ADAMTSL1: variants seen among roughly 807,000 people sequenced by gnomAD.
ADAMTSL1 encodes ADAMTS-like protein 1.
ADAMTSL1 carries 126 observed loss-of-function variants against 201.8 expected under a neutral mutation model. That is an observed-to-expected ratio of 0.62 (90% CI 0.54 to 0.72). ADAMTSL1 has a LOEUF of 0.72. ADAMTSL1 is among the 30% of genes least tolerant of loss of function. The pLI is 0.00. For synonymous variants in ADAMTSL1, 1,121 were observed against 903.4 expected, an observed-to-expected ratio of 1.24 and a Z score of -4.32; for missense variants, 2,679 against 2,277.8, an observed-to-expected ratio of 1.18 and a Z score of -3.59.
intron 4 of ADAMTSL1, among the ~76,000 whole-genome samples, chr9:18,602,850 T>C (rs1403374166): frequency 6.6e-6 from 1 of 152,194 alleles, no homozygotes; most frequent in Non-Finnish European, 1.5e-5. Context: ...CAATGAGAAC[T>C]GGCAACACTG....
chr9:18,529,440 C>A (rs1395540473), intron 2 of ADAMTSL1, among the ~76,000 whole-genome samples: 2 of 152,106 alleles, frequency 1.3e-5, no homozygotes, highest in Non-Finnish European at 2.9e-5. Flanking sequence ...GTTAGTCACG[C>A]CTAGATTCCA....
At chr9:18,239,141 C>G (rs1322312143) in intron 2 of ADAMTSL1, among the ~76,000 whole-genome samples, 1 of 152,102 alleles carries the variant, frequency 6.6e-6, no homozygotes. Flanking sequence ...AGGGTCTTGC[C>G]TTGATGTTTA....
intron 2 of ADAMTSL1, among the ~76,000 whole-genome samples, chr9:18,325,273 C>G (rs1431926623): frequency 6.6e-6 from 1 of 152,182 alleles, no homozygotes; most frequent in Non-Finnish European, 1.5e-5. Context: ...ATAACATCCA[C>G]AAAAAGACAT....
At chr9:18,032,872 T>C (rs1249891344) in intron 1 of ADAMTSL1, among the ~76,000 whole-genome samples, 1 of 141,968 alleles carries the variant, frequency 7.0e-6, no homozygotes, top group African/African-American at 2.6e-5. Flanking sequence ...CAACCTGTCC[T>C]GGTGCTCAGT....
intron 13 of ADAMTSL1, among the ~76,000 whole-genome samples, chr9:18,704,239 G>C (rs1832101837): frequency 6.6e-6 from 1 of 152,134 alleles, no homozygotes. Context: ...TGGCAGAGTT[G>C]AGTAGCTGCA....
In ADAMTSL1 at chr9:18,680,349, T is replaced by TG; in HGVS notation, c.1175dup (p.Cys392TrpfsTer34). On this transcript the variant is annotated frameshift_variant, in exon 11 of 29. Coordinates refer to ENST00000380548, the MANE Select transcript of ADAMTSL1 (RefSeq NM_001040272.6). LOFTEE classifies it high-confidence loss of function. The stretch of plus-strand genomic sequence containing the variant: ...CCCATGGACCGCGTGCTCCTCCTCG[T>TG]GTGGGGGGGGCATCCAGAGCCGGGC... The TG allele has an allele frequency of 6.2e-7, 1 of 1,613,956 alleles. No homozygotes were observed. Among genetic ancestry groups the TG allele is most frequent in the Non-Finnish European group, 8.5e-7 (1 of 1,179,992 alleles).
intron 2 of ADAMTSL1, among the ~76,000 whole-genome samples, chr9:18,164,509 A>C (rs1277007200): frequency 6.6e-6 from 1 of 151,748 alleles, no homozygotes; most frequent in Non-Finnish European, 1.5e-5. Flanking sequence ...AGTACAGTTG[A>C]CTGGAGATGT....
Position 18,051,328 on chromosome 9 carries a change from A to T in ADAMTSL1, c.88-112534A>T, listed in dbSNP as rs538964863. Among the ~76,000 whole-genome samples the T allele has an allele frequency of 1.0e-4, 15 of 150,078 alleles. No homozygotes were observed. The East Asian group carries it at 2.5e-3, about 25-fold the overall frequency. On this transcript the variant is annotated intron_variant, in intron 1 of 29. Transcript: ENST00000680146. ...AAAAAAAATTATATATATCCACACT[A>T]TATAACATTATAGACTGATCATCAC...
intron 2 of ADAMTSL1, among the ~76,000 whole-genome samples, chr9:18,316,752 TTAAAG>T (rs1834413411): frequency 6.6e-6 from 1 of 152,150 alleles, no homozygotes; most frequent in African/African-American, 2.4e-5. Flanking sequence ...GATTAAGAGA[TTAAAG>T]TAAAGACAGG....
intron 5 of ADAMTSL1, among the ~76,000 whole-genome samples, chr9:18,631,897 G>C (rs1826801938): frequency 6.6e-6 from 1 of 152,194 alleles, no homozygotes; most frequent in Non-Finnish European, 1.5e-5. Context: ...TCTGGTATCT[G>C]AAGCAGATCA....
chr9:18,663,781 T>C (rs1829260810), intron 9 of ADAMTSL1, among the ~76,000 whole-genome samples: 1 of 152,146 alleles, frequency 6.6e-6, no homozygotes, highest in Admixed American at 6.6e-5. Flanking sequence ...AAAAGCATTT[T>C]GTTAACAATT....
intron 20 of ADAMTSL1, among the ~76,000 whole-genome samples, chr9:18,797,216 C>A (rs538106967): frequency 2.0e-5 from 3 of 152,308 alleles, no homozygotes; most frequent in African/African-American, 7.2e-5. Context: ...GAGCTGCATC[C>A]TTGCACCTTA....
chr9:18,000,053 C>A (rs531624529), intron 1 of ADAMTSL1, among the ~76,000 whole-genome samples: 2 of 147,918 alleles, frequency 1.4e-5, no homozygotes, highest in East Asian at 4.0e-4. Flanking sequence ...TGAATAATGC[C>A]GCAATAAACA....
At chr9:18,851,763 G>C (rs572669473) in intron 23 of ADAMTSL1, among the ~76,000 whole-genome samples, 7 of 152,332 alleles carry the variant, frequency 4.6e-5, no homozygotes, top group Admixed American at 4.6e-4. Flanking sequence ...TACTGAAGTT[G>C]TGGGCATGCT....
intron 2 of ADAMTSL1, among the ~76,000 whole-genome samples, chr9:18,265,559 G>A (rs1187189576): frequency 6.6e-6 from 1 of 152,106 alleles, no homozygotes; most frequent in East Asian, 1.9e-4. Context: ...GAATGAATAA[G>A]CTATGGTAAA....
At chr9:18,639,459 GT>G in intron 7 of ADAMTSL1, 48 bp downstream of exon 7, 1 of 1,584,076 alleles carries the variant, frequency 6.3e-7, no homozygotes, top group Non-Finnish European at 8.6e-7. Flanking sequence ...CCCAAATGAT[GT>G]TACTTATAAT....
chr9:18,390,506 T>G (rs1240805664), intron 2 of ADAMTSL1, among the ~76,000 whole-genome samples: 4 of 152,246 alleles, frequency 2.6e-5, no homozygotes, highest in African/African-American at 9.6e-5. Context: ...TTTGCTTATG[T>G]ACTGCATGAC....
intron 4 of ADAMTSL1, among the ~76,000 whole-genome samples, chr9:18,602,669 A>ACAAGTTCCTTTTATTCTC (rs1338441078): frequency 2.0e-5 from 3 of 152,226 alleles, no homozygotes; most frequent in African/African-American, 7.2e-5. Context: ...CAAATCTAGT[A>ACAAGTTCCTTTTATTCTC]CAAGTTCCTT....
intron 4 of ADAMTSL1, among the ~76,000 whole-genome samples, chr9:18,603,999 G>A (rs952849749): frequency 1.1e-4 from 16 of 152,190 alleles, no homozygotes; most frequent in Admixed American, 7.9e-4. Flanking sequence ...GAGCACACCT[G>A]AACAAAGGAA....
Sources: gnomAD v4.1 joint callset for allele counts (sites outside exome capture counted in the v4.1 genomes callset) on GRCh38, gnomAD v4.1.1 for gene constraint, MANE v1.5 for transcripts, NCBI Gene and HGNC (gene_info 2026-07-23, HGNC 2026-07-21) for gene names.